The following ITFG1 variants were observed in gnomAD, a reference collection of about 807,000 sequenced individuals.
ITFG1 encodes T-cell immunomodulatory protein.
In ITFG1, 34 loss-of-function variants were observed where a neutral mutation model predicts 81.8. The observed-to-expected ratio is 0.42, with a 90% CI of 0.32 to 0.55. The LOEUF (loss-of-function observed/expected upper bound fraction) is 0.55, where lower values mean the gene tolerates loss of function less well. ITFG1 is among the 20% of genes least tolerant of loss of function. The probability of loss-of-function intolerance (pLI) is 0.17; values close to 1 mark genes in which losing one functional copy is unlikely to be tolerated. For synonymous variants in ITFG1, 285 were observed against 270.6 expected (o/e 1.05, Z -0.52); for missense variants, 672 against 755.4 (o/e 0.89, Z 1.29).
intron 12 of ITFG1, among the ~76,000 whole-genome samples, chr16:47,243,029 T>C (rs984428264): frequency 6.6e-5 from 10 of 152,186 alleles, no homozygotes; most frequent in Non-Finnish European, 1.3e-4. Flanking sequence ...TATATATGTA[T>C]TCTTTAACAA....
intron 5 of ITFG1, among the ~76,000 whole-genome samples, chr16:47,440,290 A>C (rs1387714846): frequency 1.3e-5 from 2 of 152,138 alleles, no homozygotes; most frequent in Non-Finnish European, 2.9e-5. Context: ...AACAGAAAGT[A>C]AACAAGGATA....
At chr16:47,269,701 C>T (rs1966316282) in intron 10 of ITFG1, among the ~76,000 whole-genome samples, 1 of 152,020 alleles carries the variant, frequency 6.6e-6, no homozygotes, top group Non-Finnish European at 1.5e-5. Context: ...GTCATTTATC[C>T]CCAAATTGAC....
At chr16:47,346,731 T>G (rs1200396030) in intron 8 of ITFG1, among the ~76,000 whole-genome samples, 1 of 152,020 alleles carries the variant, frequency 6.6e-6, no homozygotes, top group Non-Finnish European at 1.5e-5. Context: ...TATAGAAAAT[T>G]TAAACAGGCC....
intron 6 of ITFG1, among the ~76,000 whole-genome samples, chr16:47,396,475 T>C (rs993212800): frequency 2.0e-5 from 3 of 150,986 alleles, no homozygotes; most frequent in African/African-American, 7.4e-5. Flanking sequence ...GACTTGAATT[T>C]AGAATGTGAG....
At chr16:47,273,651 T>C (rs1265829736) in intron 10 of ITFG1, among the ~76,000 whole-genome samples, 1 of 152,158 alleles carries the variant, frequency 6.6e-6, no homozygotes, top group Non-Finnish European at 1.5e-5. Flanking sequence ...GCATCTTTTG[T>C]AGAGGGAGGC....
intron 6 of ITFG1, among the ~76,000 whole-genome samples, chr16:47,398,344 A>C (rs1968618526): frequency 6.6e-6 from 1 of 152,222 alleles, no homozygotes; most frequent in South Asian, 2.1e-4. Context: ...TGAAAAAGTG[A>C]GCATAAACCA....
chr16:47,376,732 A>C (rs1312274780), intron 6 of ITFG1, among the ~76,000 whole-genome samples: 1 of 152,194 alleles, frequency 6.6e-6, no homozygotes, highest in African/African-American at 2.4e-5. Flanking sequence ...TCACGCCTAT[A>C]ATCGCAGCAC....
chr16:47,420,475 T>C (rs189352777), intron 6 of ITFG1, among the ~76,000 whole-genome samples: 5 of 152,294 alleles, frequency 3.3e-5, no homozygotes, highest in Admixed American at 2.6e-4. Flanking sequence ...GAGTCTACTA[T>C]AGTTTAGAAA....
chr16:47,290,100 G>GT (rs1018543919), intron 10 of ITFG1, among the ~76,000 whole-genome samples: 35 of 152,196 alleles, frequency 2.3e-4, no homozygotes, highest in African/African-American at 8.4e-4. Context: ...GAAGCATACT[G>GT]TTTAATTTCC....
chr16:47,401,531 T>A (rs1338588289), intron 6 of ITFG1, among the ~76,000 whole-genome samples: 1 of 152,078 alleles, frequency 6.6e-6, no homozygotes, highest in Non-Finnish European at 1.5e-5. Context: ...AAGTAGGAAG[T>A]GTCAGATGCT....
At chr16:47,430,001 GGCC>G (rs1969073305) in intron 5 of ITFG1, among the ~76,000 whole-genome samples, 1 of 150,922 alleles carries the variant, frequency 6.6e-6, no homozygotes, top group South Asian at 2.1e-4. Flanking sequence ...CTGGGCATTA[GGCC>G]TTTATCTAGT....
intron 6 of ITFG1, among the ~76,000 whole-genome samples, chr16:47,380,679 G>T (rs1019561071): frequency 6.6e-6 from 1 of 152,152 alleles, no homozygotes; most frequent in Non-Finnish European, 1.5e-5. Flanking sequence ...GTGGCTTGGC[G>T]ACTATATTGG....
At chr16:47,160,893 A>C (rs1009724109) in intron 16 of ITFG1, among the ~76,000 whole-genome samples, 1 of 152,190 alleles carries the variant, frequency 6.6e-6, no homozygotes, top group African/African-American at 2.4e-5. Flanking sequence ...TTTGGCAATC[A>C]ATACATTCGA....
intron 10 of ITFG1, among the ~76,000 whole-genome samples, chr16:47,287,661 C>T (rs1966875340): frequency 6.6e-6 from 1 of 152,152 alleles, no homozygotes; most frequent in Non-Finnish European, 1.5e-5. Context: ...CCTCAGCCTC[C>T]CAAAGTGCTG....
intron 1 of ITFG1, among the ~76,000 whole-genome samples, chr16:47,459,768 T>C (rs1969501747): frequency 6.6e-6 from 1 of 152,226 alleles, no homozygotes; most frequent in African/African-American, 2.4e-5. Context: ...ACACAGGCCA[T>C]CTTTAAAGTC....
chr16:47,317,657 G>C (rs1417867196), intron 8 of ITFG1: 4 of 152,180 alleles, frequency 2.6e-5, no homozygotes, highest in Non-Finnish European at 2.9e-5. Flanking sequence ...CCAGCACCTT[G>C]TATGTTCGTA....
At chr16:47,341,467 A>G (rs995796095) in intron 8 of ITFG1, among the ~76,000 whole-genome samples, 1 of 151,138 alleles carries the variant, frequency 6.6e-6, no homozygotes. Context: ...AATATAACAT[A>G]CCCATACCCA....
chr16:47,360,430 A>T (rs1325730602), intron 8 of ITFG1, among the ~76,000 whole-genome samples: 1 of 152,162 alleles, frequency 6.6e-6, no homozygotes, highest in African/African-American at 2.4e-5. Context: ...TTAACGAAAC[A>T]GCAGCCAATT....
At chr16:47,348,585 T>C (rs1967896748) in intron 8 of ITFG1, among the ~76,000 whole-genome samples, 1 of 152,212 alleles carries the variant, frequency 6.6e-6, no homozygotes, top group Admixed American at 6.5e-5. Flanking sequence ...TACGTCTGAA[T>C]GGTGTACCTG....
Sources: allele counts gnomAD v4.1 joint callset (sites outside exome capture counted in the v4.1 genomes callset), GRCh38; gene constraint gnomAD v4.1.1; transcripts MANE v1.5; gene names NCBI Gene and HGNC (gene_info 2026-07-23, HGNC 2026-07-21).